ASIC2: variants seen among roughly 807,000 people sequenced by gnomAD.
The protein encoded by ASIC2 is acid sensing ion channel subunit 2.
Under a neutral mutation model 57.3 loss-of-function variants are expected in ASIC2, and 25 were observed. The ratio of observed to expected loss-of-function variants is 0.44; its 90% CI spans 0.32 to 0.61. The LOEUF (loss-of-function observed/expected upper bound fraction) is 0.61. ASIC2 is among the 20% of genes least tolerant of loss of function. The pLI is 0.06. For synonymous variants in ASIC2, 319 were observed against 307.5 expected (o/e 1.04, Z -0.39); for missense variants, 641 against 738.1 (o/e 0.87, Z 1.52).
Position 33,072,832 on chromosome 17 carries a change from C to T in ASIC2, c.987+16031G>A, listed in dbSNP as rs143666121. 3.4e-3 allele frequency among the ~76,000 whole-genome samples: 521 copies of T among 152,314 alleles called. 3 individuals carry two copies. The highest frequency in any genetic ancestry group is 6.8e-3 in the Middle Eastern group (2 of 294). ...AGGGGCCTTAGCTTTCACTCCTGAT[C>T]AATAATGAGACATTCATTTCCCCAC... On this transcript the variant is annotated intron_variant, in intron 3 of 9. Transcript: ENST00000225823.
chr17:33,043,997 T>A (rs1309990768), intron 3 of ASIC2, among the ~76,000 whole-genome samples: 1 of 152,184 alleles, frequency 6.6e-6, no homozygotes, highest in Admixed American at 6.5e-5. Flanking sequence ...ATTGCAAAAA[T>A]GTCTATGAGT....
chr17:33,264,035 T>A (rs970546183), intron 1 of ASIC2, among the ~76,000 whole-genome samples: 3 of 152,226 alleles, frequency 2.0e-5, no homozygotes, highest in Admixed American at 6.5e-5. Flanking sequence ...AGTGACTGAA[T>A]CAACCTGGGC....
intron 6 of ASIC2, among the ~76,000 whole-genome samples, chr17:33,023,203 C>T (rs1285321179): frequency 6.6e-6 from 1 of 152,160 alleles, no homozygotes; most frequent in African/African-American, 2.4e-5. Context: ...AAAAAAATCT[C>T]TGGGCCAGGC....
At chr17:33,931,114 C>T (rs990761218) in intron 1 of ASIC2, 2 of 152,106 alleles carry the variant, frequency 1.3e-5, no homozygotes, top group Non-Finnish European at 2.9e-5. Flanking sequence ...CAGAAAAGAA[C>T]CCCTCAGAAA....
At chr17:33,234,994 T>C (rs1245553863) in intron 1 of ASIC2, among the ~76,000 whole-genome samples, 1 of 152,222 alleles carries the variant, frequency 6.6e-6, no homozygotes, top group Non-Finnish European at 1.5e-5. Context: ...GCATCCTTTC[T>C]GGTCTTCTCC....
At chr17:33,173,171 A>T (rs1474335790) in intron 1 of ASIC2, among the ~76,000 whole-genome samples, 1 of 151,798 alleles carries the variant, frequency 6.6e-6, no homozygotes, top group Non-Finnish European at 1.5e-5. Context: ...GATGAGGCAG[A>T]CTCCCGAGTC....
At chr17:33,715,393 G>A (rs925967814) in intron 1 of ASIC2, among the ~76,000 whole-genome samples, 2 of 152,208 alleles carry the variant, frequency 1.3e-5, no homozygotes, top group East Asian at 3.9e-4. Context: ...GCTTGCTGGA[G>A]TTGTAAATCA....
chr17:33,703,363 G>A (rs1241287484), intron 1 of ASIC2, among the ~76,000 whole-genome samples: 9 of 149,092 alleles, frequency 6.0e-5, no homozygotes, highest in Non-Finnish European at 1.3e-4. Context: ...TGTTGTTGTT[G>A]TTGAGACAAG....
At position 33,574,851 on chromosome 17, in the gene ASIC2, AT is replaced by A. The variant is rs10699380; in HGVS notation, c.556-462785del. ...GCTAGTTTGGGTGGTCTCTGTTTCT[AT>A]TTTTTTTTTTTTTGCTGCAGATCTA... is the stretch of plus-strand genomic sequence containing the variant. On this transcript the variant is annotated intron_variant, in intron 1 of 9. Transcript: ENST00000359872. 8.6e-3 allele frequency among the ~76,000 whole-genome samples: 1,231 copies of A among 142,962 alleles called. 11 individuals are homozygous for A. Among genetic ancestry groups the A allele is most frequent in the East Asian group, 0.039 (189 of 4,852 alleles). The allele number at this position is 142,962 out of a possible 152,430, so 93.8% of individuals were successfully genotyped here.
At chr17:33,098,534 T>G (rs528891616) in intron 2 of ASIC2, among the ~76,000 whole-genome samples, 10 of 152,278 alleles carry the variant, frequency 6.6e-5, no homozygotes, top group African/African-American at 2.4e-4. Flanking sequence ...CAATTATGCC[T>G]GTTCTGGGTG....
At chr17:33,026,084 T>C (rs1407097248) in intron 4 of ASIC2, 102 bp from the exon 5 acceptor site, 44 of 1,307,560 alleles carry the variant, frequency 3.4e-5, no homozygotes, top group Non-Finnish European at 4.7e-5. Flanking sequence ...CTCCTGGCAG[T>C]TGAAGGGGCA....
At chr17:34,134,426 C>T (rs531469740) in intron 1 of ASIC2, among the ~76,000 whole-genome samples, 8 of 152,258 alleles carry the variant, frequency 5.3e-5, no homozygotes, top group African/African-American at 1.9e-4. Context: ...AGTTAGATAT[C>T]CATGCCTGTC....
intron 1 of ASIC2, among the ~76,000 whole-genome samples, chr17:33,536,733 G>A (rs1001483131): frequency 3.9e-5 from 6 of 152,166 alleles, no homozygotes; most frequent in African/African-American, 1.4e-4. Context: ...GAGGCCAGGT[G>A]CAGTGGCTCA....
chr17:34,090,096 T>A (rs1910270321), intron 1 of ASIC2, among the ~76,000 whole-genome samples: 1 of 151,936 alleles, frequency 6.6e-6, no homozygotes, highest in Non-Finnish European at 1.5e-5. Flanking sequence ...GCTGGAAGGG[T>A]CTTCACAGAG....
At chr17:33,567,853 T>C (rs1322031468) in intron 1 of ASIC2, among the ~76,000 whole-genome samples, 3 of 151,538 alleles carry the variant, frequency 2.0e-5, no homozygotes, top group Admixed American at 6.6e-5. Flanking sequence ...GGAGATTCCA[T>C]GCATTTTTTT....
intron 1 of ASIC2, among the ~76,000 whole-genome samples, chr17:34,026,542 A>G (rs1304497784): frequency 6.6e-6 from 1 of 152,150 alleles, no homozygotes; most frequent in Non-Finnish European, 1.5e-5. Context: ...CAATCATTTC[A>G]TTGTTTTTCT....
chr17:33,577,402 G>A (rs1350520674), intron 1 of ASIC2, among the ~76,000 whole-genome samples: 1 of 152,152 alleles, frequency 6.6e-6, no homozygotes, highest in Non-Finnish European at 1.5e-5. Flanking sequence ...AGGTGTAAAG[G>A]AAGAGGAGCG....
chr17:33,820,505 C>T (rs1004093155), intron 1 of ASIC2, among the ~76,000 whole-genome samples: 8 of 152,080 alleles, frequency 5.3e-5, no homozygotes, highest in Non-Finnish European at 1.2e-4. Flanking sequence ...AAAGAAATAT[C>T]ATGATGGGCA....
chr17:33,562,926 A>G (rs1916120264), intron 1 of ASIC2, among the ~76,000 whole-genome samples: 1 of 152,138 alleles, frequency 6.6e-6, no homozygotes, highest in Non-Finnish European at 1.5e-5. Context: ...GCACTCCCTT[A>G]GTATTTAGGC....
Sources: allele counts gnomAD v4.1 joint callset (sites outside exome capture counted in the v4.1 genomes callset), GRCh38; gene constraint gnomAD v4.1.1; transcripts MANE v1.5; gene names NCBI Gene and HGNC (gene_info 2026-07-23, HGNC 2026-07-21).